INPP4B: variants seen among roughly 807,000 people sequenced by gnomAD.
INPP4B encodes inositol polyphosphate-4-phosphatase type II B, also known as inositol polyphosphate 4-phosphatase type II.
Under a neutral mutation model 122.5 loss-of-function variants are expected in INPP4B, and 55 were observed. The ratio of observed to expected loss-of-function variants is 0.45; its 90% CI spans 0.36 to 0.56. INPP4B has a LOEUF of 0.56. INPP4B is among the 20% of genes least tolerant of loss of function. The pLI, the probability that INPP4B is intolerant of heterozygous loss-of-function variation, is 0.00. For missense variants in INPP4B, 1,000 were observed against 1,097.7 expected (o/e 0.91, Z 1.26); for synonymous variants, 403 against 388.7 (o/e 1.04, Z -0.43).
chr4:142,393,664 A>G (rs1244588747), intron 7 of INPP4B, among the ~76,000 whole-genome samples: 2 of 152,240 alleles, frequency 1.3e-5, no homozygotes, highest in Non-Finnish European at 2.9e-5. Flanking sequence ...TGCAACCACA[A>G]GATTGAAAAC....
intron 2 of INPP4B, among the ~76,000 whole-genome samples, chr4:142,603,160 T>C (rs1375933660): frequency 1.3e-5 from 2 of 151,866 alleles, no homozygotes; most frequent in African/African-American, 2.4e-5. Flanking sequence ...TTCTCACTTA[T>C]AAGTGGGAGC....
intron 2 of INPP4B, among the ~76,000 whole-genome samples, chr4:142,672,269 G>T (rs1456563915): frequency 6.6e-6 from 1 of 152,140 alleles, no homozygotes; most frequent in Non-Finnish European, 1.5e-5. Flanking sequence ...AGAGAGATTG[G>T]TGGGTCATAC....
At chr4:142,253,974 A>G (rs984096888) in intron 11 of INPP4B, among the ~76,000 whole-genome samples, 4 of 152,166 alleles carry the variant, frequency 2.6e-5, no homozygotes, top group Non-Finnish European at 4.4e-5. Flanking sequence ...CTTTGAAGAG[A>G]GCAGTGGTTC....
chr4:142,275,232 A>T (rs996432240), intron 9 of INPP4B, among the ~76,000 whole-genome samples: 1 of 151,822 alleles, frequency 6.6e-6, no homozygotes, highest in Non-Finnish European at 1.5e-5. Flanking sequence ...CAATTCTGCC[A>T]TCATTAATAG....
intron 2 of INPP4B, among the ~76,000 whole-genome samples, chr4:142,533,672 C>T (rs373671383): frequency 1.4e-4 from 22 of 152,056 alleles, no homozygotes; most frequent in South Asian, 1.0e-3. Context: ...AGGGCAAAAA[C>T]GTAATAAAAA....
intron 2 of INPP4B, among the ~76,000 whole-genome samples, chr4:142,627,877 G>C (rs1473929419): frequency 6.6e-6 from 1 of 151,762 alleles, no homozygotes; most frequent in Non-Finnish European, 1.5e-5. Flanking sequence ...GAATCCATCT[G>C]GTCCTGGACT....
At chr4:142,734,070 T>G (rs12507170) in intron 1 of INPP4B, among the ~76,000 whole-genome samples, 3,868 of 152,276 alleles carry the variant, frequency 0.025, 63 homozygotes, top group Middle Eastern at 0.11. Context: ...TAACACTCAG[T>G]TAGACTGTCT....
chr4:142,739,222 T>C (rs1767535150), intron 1 of INPP4B, among the ~76,000 whole-genome samples: 1 of 152,104 alleles, frequency 6.6e-6, no homozygotes, highest in African/African-American at 2.4e-5. Context: ...CTTATCACTG[T>C]TTTAACGAAA....
chr4:142,570,101 A>G (rs903150836), intron 2 of INPP4B, among the ~76,000 whole-genome samples: 1 of 152,154 alleles, frequency 6.6e-6, no homozygotes, highest in Non-Finnish European at 1.5e-5. Context: ...ATAACAATAT[A>G]TACTTAAGAA....
At chr4:142,824,330 A>G (rs1781191498) in intron 1 of INPP4B, among the ~76,000 whole-genome samples, 1 of 151,538 alleles carries the variant, frequency 6.6e-6, no homozygotes. Flanking sequence ...CTCTATCTCT[A>G]TCTCTATCTC....
At chr4:142,812,489 A>G (rs1779634370) in intron 1 of INPP4B, among the ~76,000 whole-genome samples, 1 of 152,158 alleles carries the variant, frequency 6.6e-6, no homozygotes, top group South Asian at 2.1e-4. Flanking sequence ...AACAAATTCC[A>G]CTAAATTCTA....
At chr4:142,040,529 C>G (rs1746767764) in intron 25 of INPP4B, among the ~76,000 whole-genome samples, 2 of 151,994 alleles carry the variant, frequency 1.3e-5, no homozygotes, top group East Asian at 3.9e-4. Flanking sequence ...TGCAATGAAG[C>G]TTGTTGAAAG....
At position 142,305,891 on chromosome 4, in the gene INPP4B, CT is replaced by C. The variant is rs1763169402; in HGVS notation, c.424-355del. 3 of 1,052,488 alleles carry C rather than the reference CT, an allele frequency of 2.9e-6. No individual in the cohort carries two copies. The South Asian group carries it at 8.8e-5, about 31-fold the overall frequency. 65.2% of individuals were successfully genotyped at this position (1,052,488 alleles called of 1,614,324 possible). ...TCCATATTTACCAATGCTGTTGTTCCTCTTATTAGAATTCCTCAAATCACTG... is the reference window on the plus strand; with the variant it reads ...TCCATATTTACCAATGCTGTTGTTCCCTTATTAGAATTCCTCAAATCACTG... On this transcript the variant is annotated intron_variant, in intron 8 of 25. Coordinates refer to ENST00000262992, the MANE Select transcript of INPP4B (RefSeq NM_001101669.3).
chr4:142,837,089 G>T (rs1357323020), intron 1 of INPP4B, among the ~76,000 whole-genome samples: 1 of 151,816 alleles, frequency 6.6e-6, no homozygotes, highest in African/African-American at 2.4e-5. Context: ...CCTGGAGGCG[G>T]AGGTTACAGT....
chr4:142,488,522 T>G (rs1020588307), intron 2 of INPP4B, among the ~76,000 whole-genome samples: 6 of 152,124 alleles, frequency 3.9e-5, no homozygotes, highest in African/African-American at 1.2e-4. Flanking sequence ...GTTTTCTCTA[T>G]GAGAATGTTT....
At chr4:142,313,269 T>A (rs1244959785) in intron 8 of INPP4B, among the ~76,000 whole-genome samples, 1 of 152,004 alleles carries the variant, frequency 6.6e-6, no homozygotes, top group Non-Finnish European at 1.5e-5. Context: ...AGAGCAGTGG[T>A]GGAGTGGGGT....
At position 142,535,274 on chromosome 4, in the gene INPP4B, A is replaced by G. The variant is rs550149271; in HGVS notation, c.-190-72548T>C. 7.2e-5 allele frequency among the ~76,000 whole-genome samples: 11 copies of G among 152,340 alleles called. No individual in the cohort carries two copies. The South Asian group carries it at 2.1e-3, about 29-fold the overall frequency. On this transcript the variant is annotated intron_variant, in intron 2 of 25. Coordinates refer to ENST00000262992, the MANE Select transcript of INPP4B (RefSeq NM_001101669.3). Reference sequence around the variant, plus strand: ...AGCTGAGAGTTTAGTTTATCCTCCTACACAGAGCTGGGTACATCTGCTTTT... The same window carrying G: ...AGCTGAGAGTTTAGTTTATCCTCCTGCACAGAGCTGGGTACATCTGCTTTT...
intron 2 of INPP4B, among the ~76,000 whole-genome samples, chr4:142,677,410 T>C (rs1757972969): frequency 6.6e-6 from 1 of 151,942 alleles, no homozygotes; most frequent in Admixed American, 6.6e-5. Flanking sequence ...GTAAATTAGT[T>C]CAACTATTGT....
intron 2 of INPP4B, among the ~76,000 whole-genome samples, chr4:142,537,421 TATATATATAGAGAGAGAGAGAGAG>T (rs1160794508): frequency 4.4e-3 from 235 of 52,872 alleles, no homozygotes; most frequent in African/African-American, 0.014. Flanking sequence ...TATATATATA[TATATATATAGAGAGAGAGAGAGAG>T]AGAGAGAGAG....
Sources: allele counts gnomAD v4.1 joint callset (sites outside exome capture counted in the v4.1 genomes callset), GRCh38; gene constraint gnomAD v4.1.1; transcripts MANE v1.5; gene names NCBI Gene and HGNC (gene_info 2026-07-23, HGNC 2026-07-21).